Variants in NPFFR2 observed in about 807,000 individuals in gnomAD.
The protein encoded by NPFFR2 is G-protein coupled receptor 74.
A neutral mutation model predicts 13.1 loss-of-function variants in NPFFR2; 15 were observed. The observed-to-expected ratio is 1.15, with a 90% CI of 0.77 to 1.76. NPFFR2 has a LOEUF of 1.76. NPFFR2 is among the 40% of genes most tolerant of loss of function. NPFFR2 has a pLI of 0.00. For synonymous variants in NPFFR2, 190 were observed against 175.7 expected (o/e 1.08, Z -0.65); for missense variants, 572 against 503.5 (o/e 1.14, Z -1.30).
At chr4:72,133,555 T>C (rs910227681) in intron 2 of NPFFR2, among the ~76,000 whole-genome samples, 2 of 152,182 alleles carry the variant, frequency 1.3e-5, no homozygotes, top group African/African-American at 4.8e-5. Flanking sequence ...ATGTCATTGG[T>C]GATTTAATAG....
At chr4:72,068,778 TG>T (rs1475802983) in intron 1 of NPFFR2, 1 of 339,086 alleles carries the variant, frequency 2.9e-6, no homozygotes, top group Non-Finnish European at 5.4e-6. Flanking sequence ...AACGGTTCTA[TG>T]CTAGAGAATA....
chr4:72,059,186 G>T (rs1389088142), intron 1 of NPFFR2, among the ~76,000 whole-genome samples: 2 of 151,950 alleles, frequency 1.3e-5, no homozygotes, highest in East Asian at 3.9e-4. Context: ...TGCTTACCAG[G>T]TCTGATTAAT....
chr4:72,142,908 G>A (rs1722676712), intron 3 of NPFFR2, among the ~76,000 whole-genome samples: 1 of 152,162 alleles, frequency 6.6e-6, no homozygotes, highest in South Asian at 2.1e-4. Context: ...GGCGGAGCAG[G>A]CAAAGTCATT....
chr4:72,093,403 T>C (rs1350590711), intron 1 of NPFFR2, among the ~76,000 whole-genome samples: 1 of 152,214 alleles, frequency 6.6e-6, no homozygotes, highest in Non-Finnish European at 1.5e-5. Context: ...AAGTTTTTCT[T>C]GATTATTTCC....
Position 72,106,953 on chromosome 4 carries a change from G to A in NPFFR2, c.-7-21632G>A, listed in dbSNP as rs375195431. Among the ~76,000 whole-genome samples, 31 of 151,962 alleles carry A rather than the reference G, an allele frequency of 2.0e-4. 1 individual carries two copies. The highest frequency in any genetic ancestry group is 1.9e-3 in the East Asian group (10 of 5,154). On this transcript the variant is annotated intron_variant, in intron 1 of 3. Coordinates refer to ENST00000308744, the MANE Select transcript of NPFFR2 (RefSeq NM_004885.3). ...TAGTTGCTTTCACATTGAATATCAC[G>A]TCATGCTTGATCAATGCAGCTGCTA... is the stretch of plus-strand genomic sequence containing the variant.
Position 72,146,862 on chromosome 4 carries a change from T to C in NPFFR2, c.429-116T>C, listed in dbSNP as rs796291915. ...CTTTCTACTACAAATGGTAACTTTCTATATTTTTGAGGAGACTGTAGGGTG... is the reference window on the plus strand; with the variant it reads ...CTTTCTACTACAAATGGTAACTTTCCATATTTTTGAGGAGACTGTAGGGTG... On this transcript the variant is annotated intron_variant, in intron 3 of 3. Transcript: ENST00000308744. 7 of 693,318 alleles carry C rather than the reference T, an allele frequency of 1.0e-5. No individual in the cohort carries two copies. In the African/African-American group the frequency reaches 1.2e-4, roughly 12 times the overall value. The allele number at this position is 693,318 out of a possible 1,614,324, so 42.9% of individuals were successfully genotyped here. A position where few individuals can be genotyped will look rare whatever the true frequency, so the allele number is the denominator to read the frequency against.
chr4:72,118,374 C>T (rs1380049490), intron 1 of NPFFR2, among the ~76,000 whole-genome samples: 1 of 152,110 alleles, frequency 6.6e-6, no homozygotes, highest in Non-Finnish European at 1.5e-5. Flanking sequence ...CAATGAAAAC[C>T]TAACAACAAC....
chr4:72,113,930 A>G (rs1486516221), intron 1 of NPFFR2, among the ~76,000 whole-genome samples: 1 of 152,128 alleles, frequency 6.6e-6, no homozygotes, highest in Non-Finnish European at 1.5e-5. Context: ...GGAGCCAAGT[A>G]TTATAAATCC....
Position 72,091,906 on chromosome 4 carries a change from A to G in NPFFR2, c.-7-36679A>G, listed in dbSNP as rs1578449253. ...GGTTTTGGTTTGTTTTTGTTTCTCT[A>G]GCTCCTTGAGGTGTGACCTTAGATT... On this transcript the variant is annotated intron_variant, in intron 1 of 3. Coordinates refer to ENST00000308744, the MANE Select transcript of NPFFR2 (RefSeq NM_004885.3). Among the ~76,000 whole-genome samples the G allele has an allele frequency of 7.9e-5, 12 of 151,814 alleles. No individual in the cohort carries two copies. In the South Asian group the frequency reaches 2.3e-3, roughly 29 times the overall value.
chr4:72,132,777 G>T (rs1450109607), intron 2 of NPFFR2, among the ~76,000 whole-genome samples: 1 of 151,846 alleles, frequency 6.6e-6, no homozygotes, highest in East Asian at 1.9e-4. Flanking sequence ...TCATATGTTT[G>T]TTGGCCACAT....
chr4:72,074,908 A>AG (rs398107490), intron 1 of NPFFR2, among the ~76,000 whole-genome samples: 25 of 151,828 alleles, frequency 1.6e-4, no homozygotes, highest in Non-Finnish European at 2.2e-4. Flanking sequence ...TAACTTTAAA[A>AG]GATTATGAGA....
chr4:72,044,629 C>A (rs778508031), intron 1 of NPFFR2, among the ~76,000 whole-genome samples: 12 of 151,604 alleles, frequency 7.9e-5, no homozygotes, highest in Non-Finnish European at 1.5e-4. Flanking sequence ...TTTTGATTTG[C>A]ATTTTCCTGA....
intron 1 of NPFFR2, among the ~76,000 whole-genome samples, chr4:72,073,556 C>T (rs1720328014): frequency 6.6e-6 from 1 of 151,554 alleles, no homozygotes; most frequent in East Asian, 1.9e-4. Context: ...TTGTTCTCTA[C>T]TCTATTTAAG....
In NPFFR2 at chr4:72,128,740, T is replaced by C. The variant is rs770499746; in HGVS notation, c.149T>C (p.Ile50Thr). ...HQPQVAAIFI[I>T]SYFLIFFLCM... The stretch of plus-strand genomic sequence containing the variant: ...CCTCAAGTGGCAGCAATCTTCATTA[T>C]TTCCTACTTTCTGATCTTCTTTTTG... The change falls in exon 2 of 4, where the codon ATT (isoleucine) becomes ACT (threonine). Residue 50 changes from isoleucine to threonine, a missense_variant. Ile to Thr is a moderately conservative substitution (Grantham distance 89). Coordinates refer to ENST00000308744, the MANE Select transcript of NPFFR2 (RefSeq NM_004885.3). 9.3e-6 allele frequency: 15 copies of C among 1,614,094 alleles called. No homozygotes were observed. The East Asian group carries it at 3.3e-4, about 36-fold the overall frequency.
intron 1 of NPFFR2, among the ~76,000 whole-genome samples, chr4:72,126,336 T>G (rs1460918585): frequency 6.6e-6 from 1 of 152,224 alleles, no homozygotes; most frequent in Non-Finnish European, 1.5e-5. Flanking sequence ...TTTATAATTC[T>G]TTGCTGGAAC....
intron 1 of NPFFR2, among the ~76,000 whole-genome samples, chr4:72,063,652 G>A (rs377510901): frequency 6.6e-6 from 1 of 152,142 alleles, no homozygotes; most frequent in South Asian, 2.1e-4. Context: ...CTTGAGAAAG[G>A]CAAAAGTGGT....
intron 1 of NPFFR2, among the ~76,000 whole-genome samples, chr4:72,075,029 G>A (rs1258823594): frequency 6.6e-6 from 1 of 152,096 alleles, no homozygotes; most frequent in African/African-American, 2.4e-5. Flanking sequence ...TTGGATTGAC[G>A]AATACGAAGT....
At chr4:72,047,196 T>G (rs1279353961) in intron 1 of NPFFR2, among the ~76,000 whole-genome samples, 1 of 151,854 alleles carries the variant, frequency 6.6e-6, no homozygotes, top group East Asian at 1.9e-4. Flanking sequence ...AAAAAGAAAA[T>G]TTCAGAAGAG....
chr4:72,108,247 A>G (rs1357110064), intron 1 of NPFFR2, among the ~76,000 whole-genome samples: 1 of 151,992 alleles, frequency 6.6e-6, no homozygotes, highest in Admixed American at 6.6e-5. Flanking sequence ...TTCTGTATTT[A>G]TTTATAAGCA....
Sources: gnomAD v4.1 joint callset for allele counts (sites outside exome capture counted in the v4.1 genomes callset) on GRCh38, gnomAD v4.1.1 for gene constraint, MANE v1.5 for transcripts, NCBI Gene and HGNC (gene_info 2026-07-23, HGNC 2026-07-21) for gene names.